The following RBFOX1 variants were observed in gnomAD, a reference collection of about 807,000 sequenced individuals.
RBFOX1 encodes the protein RNA binding fox-1 homolog 1.
A neutral mutation model predicts 57.7 loss-of-function variants in RBFOX1; 8 were observed. The ratio of observed to expected loss-of-function variants is 0.14; its 90% CI spans 0.08 to 0.25. RBFOX1 has a LOEUF of 0.25. RBFOX1 is among the 10% of genes least tolerant of loss of function. The probability of loss-of-function intolerance (pLI) is 1.00; values close to 1 mark genes in which losing one functional copy is unlikely to be tolerated. For missense variants in RBFOX1, 611 were observed against 548.5 expected, an observed-to-expected ratio of 1.11 and a Z score of -1.14; for synonymous variants, 326 against 222.4, an observed-to-expected ratio of 1.47 and a Z score of -4.15.
At chr16:6,903,680 C>A (rs2069041366) in intron 3 of RBFOX1, among the ~76,000 whole-genome samples, 1 of 152,066 alleles carries the variant, frequency 6.6e-6, no homozygotes, top group Non-Finnish European at 1.5e-5. Flanking sequence ...AAAAGAGATG[C>A]CTTTCAGAAA....
chr16:7,711,718 TG>T lies in RBFOX1; in HGVS notation c.*974del, dbSNP rs2084030548. On this transcript the variant is annotated 3_prime_UTR_variant, in exon 16 of 16. Coordinates refer to ENST00000550418, the MANE Select transcript of RBFOX1 (RefSeq NM_018723.4). ...GTTGTTAAGTTCTAGAAACAGTCTATGAAGCTTTAGTTTTAGCCTAGTAGAA... is the reference window on the plus strand; with the variant it reads ...GTTGTTAAGTTCTAGAAACAGTCTATAAGCTTTAGTTTTAGCCTAGTAGAA... The T allele has an allele frequency of 6.6e-6, 1 of 152,662 alleles. No homozygotes were observed. Among genetic ancestry groups the T allele is most frequent in the Non-Finnish European group, 1.5e-5 (1 of 68,028 alleles). 9.5% of individuals were successfully genotyped at this position (152,662 alleles called of 1,614,324 possible). A position where few individuals can be genotyped will look rare whatever the true frequency, so the allele number is the denominator to read the frequency against.
chr16:7,038,363 C>A (rs1300513028), intron 3 of RBFOX1, among the ~76,000 whole-genome samples: 1 of 152,136 alleles, frequency 6.6e-6, no homozygotes, highest in African/African-American at 2.4e-5. Context: ...TGATTGCTTT[C>A]GCTGCTGAAA....
intron 3 of RBFOX1, among the ~76,000 whole-genome samples, chr16:6,671,650 C>T (rs866892956): frequency 2.0e-5 from 3 of 152,170 alleles, no homozygotes; most frequent in Non-Finnish European, 4.4e-5. Flanking sequence ...AAAGTCCGTT[C>T]TATCATTCTT....
chr16:6,857,467 A>G lies in RBFOX1; in HGVS notation c.-15-194590A>G, dbSNP rs1015469046. On this transcript the variant is annotated intron_variant, in intron 3 of 15. Coordinates refer to ENST00000550418, the MANE Select transcript of RBFOX1 (RefSeq NM_018723.4). Reference sequence around the variant, plus strand: ...AGCCATTTTTCTATTTACATGGTTTATTTCACAAGGGTCTGACTCATTGGG... The same window carrying G: ...AGCCATTTTTCTATTTACATGGTTTGTTTCACAAGGGTCTGACTCATTGGG... 2.6e-5 allele frequency among the ~76,000 whole-genome samples: 4 copies of G among 152,286 alleles called. No homozygotes were observed. The South Asian group carries it at 8.3e-4, about 32-fold the overall frequency.
intron 4 of RBFOX1, among the ~76,000 whole-genome samples, chr16:7,315,573 G>C (rs1207310081): frequency 6.6e-6 from 1 of 151,406 alleles, no homozygotes; most frequent in Admixed American, 6.6e-5. Flanking sequence ...ATGCTTGTCA[G>C]TAATGATGAA....
chr16:7,517,628 C>A (rs1283887741), intron 4 of RBFOX1, among the ~76,000 whole-genome samples: 2 of 151,920 alleles, frequency 1.3e-5, no homozygotes, highest in African/African-American at 4.8e-5. Context: ...ACTCCCTATT[C>A]CCATTATGTG....
chr16:7,251,377 A>G (rs2094493417), intron 4 of RBFOX1, among the ~76,000 whole-genome samples: 1 of 147,162 alleles, frequency 6.8e-6, no homozygotes, highest in African/African-American at 2.5e-5. Flanking sequence ...ATGACATTCC[A>G]TTGTAGATAC....
chr16:6,643,488 TG>T, intron 2 of RBFOX1, among the ~76,000 whole-genome samples: 1 of 152,322 alleles, frequency 6.6e-6, no homozygotes, highest in South Asian at 2.1e-4. Context: ...TGAAGAATTC[TG>T]CTGAAAGGCA....
chr16:6,370,154 C>T (rs867144198), intron 2 of RBFOX1, among the ~76,000 whole-genome samples: 7 of 151,778 alleles, frequency 4.6e-5, no homozygotes, highest in South Asian at 4.2e-4. Context: ...ATCAGGAGAT[C>T]GAGACCGTCC....
At chr16:5,392,750 G>T (rs1596816801) in intron 1 of RBFOX1, among the ~76,000 whole-genome samples, 2 of 152,042 alleles carry the variant, frequency 1.3e-5, no homozygotes, top group South Asian at 4.1e-4. Context: ...TGCTCATCTA[G>T]GCAAGTAAAG....
intron 3 of RBFOX1, among the ~76,000 whole-genome samples, chr16:5,662,184 A>G (rs2049675144): frequency 6.6e-6 from 1 of 152,198 alleles, no homozygotes; most frequent in Non-Finnish European, 1.5e-5. Context: ...GATTCGTATC[A>G]AAGTTGATAT....
At chr16:5,449,237 G>A (rs988613876) in intron 1 of RBFOX1, among the ~76,000 whole-genome samples, 2 of 152,058 alleles carry the variant, frequency 1.3e-5, no homozygotes, top group Non-Finnish European at 2.9e-5. Flanking sequence ...CTCTGTAATT[G>A]GCCTTTCCTC....
Position 5,670,926 on chromosome 16 carries a change from A to G in RBFOX1, c.318+71965A>G, listed in dbSNP as rs184490515. Among the ~76,000 whole-genome samples the G allele has an allele frequency of 1.6e-3, 240 of 152,348 alleles. 2 individuals carry two copies. The highest frequency in any genetic ancestry group is 5.3e-3 in the African/African-American group (220 of 41,582). On this transcript the variant is annotated intron_variant, in intron 3 of 19. Coordinates refer to the RBFOX1 transcript ENST00000641259. Reference sequence around the variant, plus strand: ...TATAAGCTCCACTTTGCAGATGAAGATATTGAGGCTCAGAGAGCACAAGGA... The same window carrying G: ...TATAAGCTCCACTTTGCAGATGAAGGTATTGAGGCTCAGAGAGCACAAGGA...
At chr16:5,736,090 A>C (rs2052559861) in intron 3 of RBFOX1, among the ~76,000 whole-genome samples, 1 of 151,740 alleles carries the variant, frequency 6.6e-6, no homozygotes, top group South Asian at 2.1e-4. Context: ...TGACTCATTC[A>C]TTTTCCTTCT....
chr16:7,062,893 ATTTTTTTTTTTTTTTTT>A (rs1170936027), intron 4 of RBFOX1, among the ~76,000 whole-genome samples: 4 of 47,312 alleles, frequency 8.5e-5, no homozygotes, highest in Non-Finnish European at 1.5e-4. Flanking sequence ...AATGATCGCC[ATTTTTTTTTTTTTTTTT>A]TTTTTTTTTT....
chr16:5,381,478 T>C (rs2066129576), intron 1 of RBFOX1, among the ~76,000 whole-genome samples: 1 of 152,120 alleles, frequency 6.6e-6, no homozygotes, highest in Non-Finnish European at 1.5e-5. Context: ...GGCTCAAGAT[T>C]CTGCATTTCT....
At chr16:6,953,840 C>T (rs952624479) in intron 3 of RBFOX1, among the ~76,000 whole-genome samples, 3 of 152,140 alleles carry the variant, frequency 2.0e-5, no homozygotes, top group African/African-American at 4.8e-5. Flanking sequence ...CTCTTGGATA[C>T]CTGACTTGAA....
chr16:6,923,565 G>A (rs1013882971), intron 3 of RBFOX1, among the ~76,000 whole-genome samples: 50 of 152,138 alleles, frequency 3.3e-4, no homozygotes, highest in African/African-American at 1.2e-3. Context: ...GTGGTATTCT[G>A]TTAATCATGG....
chr16:5,702,929 A>G (rs894497144), intron 3 of RBFOX1, among the ~76,000 whole-genome samples: 5 of 152,212 alleles, frequency 3.3e-5, no homozygotes, highest in African/African-American at 1.2e-4. Context: ...ATCTGTTACT[A>G]TGTGACGAAT....
Sources: gnomAD v4.1 joint callset for allele counts (sites outside exome capture counted in the v4.1 genomes callset) on GRCh38, gnomAD v4.1.1 for gene constraint, MANE v1.5 for transcripts, NCBI Gene and HGNC (gene_info 2026-07-23, HGNC 2026-07-21) for gene names.